DOCK3: variants seen among roughly 807,000 people sequenced by gnomAD.
DOCK3 encodes the protein dedicator of cytokinesis 3, also known as dedicator of cytokinesis protein 3.
DOCK3 carries 60 observed loss-of-function variants against 265.6 expected under a neutral mutation model. The ratio of observed to expected loss-of-function variants is 0.23; its 90% confidence interval spans 0.18 to 0.28. The LOEUF (loss-of-function observed/expected upper bound fraction) is 0.28. Ranked by LOEUF, DOCK3 falls within the 10% of genes least tolerant of loss-of-function variation. The probability of loss-of-function intolerance (pLI) is 1.00; values close to 1 mark genes in which losing one functional copy is unlikely to be tolerated. For synonymous variants in DOCK3, 881 were observed against 938.0 expected (o/e 0.94, Z 1.11); for missense variants, 1,981 against 2,594.3 (o/e 0.76, Z 5.14).
At chr3:51,248,498 A>G (rs1459437233) in intron 22 of DOCK3, among the ~76,000 whole-genome samples, 1 of 152,200 alleles carries the variant, frequency 6.6e-6, no homozygotes, top group Non-Finnish European at 1.5e-5. Context: ...CTCAGTGCTC[A>G]ATGGCGCCCA....
chr3:51,118,901 C>T (rs2083888657), intron 9 of DOCK3, among the ~76,000 whole-genome samples: 1 of 152,052 alleles, frequency 6.6e-6, no homozygotes, highest in Admixed American at 6.5e-5. Context: ...GAATATAGCA[C>T]ACTGATGGGT....
Position 51,190,825 on chromosome 3 carries a change from C to G in DOCK3, c.1038-17949C>G, listed in dbSNP as rs1365968638. Among the ~76,000 whole-genome samples, 8 of 152,134 alleles carry G rather than the reference C, an allele frequency of 5.3e-5. No homozygotes were observed. The South Asian group carries it at 6.2e-4, about 12-fold the overall frequency. ...CAGGTGGGAGCTGGGTCAGGTAGGT[C>G]CACACCCTGGCTCTCCACTTGCAGG... On this transcript the variant is annotated intron_variant, in intron 12 of 52. Coordinates refer to ENST00000266037, the MANE Select transcript of DOCK3 (RefSeq NM_004947.5).
chr3:51,095,694 C>T (rs1054910609), intron 9 of DOCK3, among the ~76,000 whole-genome samples: 23 of 151,450 alleles, frequency 1.5e-4, no homozygotes, highest in Non-Finnish European at 3.1e-4. Context: ...AAGCTTTTCA[C>T]CCCATCTTAC....
At chr3:51,309,631 GA>G (rs2082945374) in intron 27 of DOCK3, among the ~76,000 whole-genome samples, 3 of 1,756 alleles carry the variant, frequency 1.7e-3, no homozygotes, top group Non-Finnish European at 3.0e-3. Context: ...GAGCGAGAGC[GA>G]GAGCGAGAGC....
chr3:51,214,288 G>A (rs2089663944), intron 14 of DOCK3, 41 bp downstream of exon 14: 1 of 1,608,464 alleles, frequency 6.2e-7, no homozygotes, highest in Admixed American at 1.7e-5. Context: ...AGATGGGTTA[G>A]GATGGAATCT....
chr3:50,729,707 G>C (rs1038422564), intron 1 of DOCK3, among the ~76,000 whole-genome samples: 2 of 151,858 alleles, frequency 1.3e-5, no homozygotes, highest in Admixed American at 6.6e-5. Flanking sequence ...TTTTTTAATA[G>C]ATGGGATCTC....
intron 1 of DOCK3, among the ~76,000 whole-genome samples, chr3:50,725,021 A>G (rs1338496716): frequency 6.6e-6 from 1 of 152,058 alleles, no homozygotes; most frequent in Non-Finnish European, 1.5e-5. Flanking sequence ...AATGACTAAG[A>G]ATTTCCAAGT....
At chr3:50,775,199 TA>T (rs541338398) in intron 1 of DOCK3, among the ~76,000 whole-genome samples, 31 of 152,212 alleles carry the variant, frequency 2.0e-4, no homozygotes, top group Non-Finnish European at 2.9e-4. Flanking sequence ...TGATTGGTGT[TA>T]TTTTTTTCAG....
chr3:51,326,354 G>A (rs577825754), intron 32 of DOCK3, among the ~76,000 whole-genome samples: 14 of 149,232 alleles, frequency 9.4e-5, no homozygotes, highest in South Asian at 2.1e-4. Context: ...TCTGCCTCCC[G>A]GGTTCAAGTG....
intron 3 of DOCK3, chr3:50,863,360 G>C: frequency 1.9e-6 from 1 of 513,360 alleles, no homozygotes; most frequent in Non-Finnish European, 3.9e-6. Context: ...TGGCTACCCG[G>C]TTCTTTGTGC....
chr3:51,040,436 A>G (rs2109019673), intron 5 of DOCK3, among the ~76,000 whole-genome samples: 1 of 152,180 alleles, frequency 6.6e-6, no homozygotes, highest in East Asian at 1.9e-4. Flanking sequence ...CTTTATTGCT[A>G]AAAAAATGCT....
chr3:50,942,759 C>G (rs575623335), intron 5 of DOCK3, among the ~76,000 whole-genome samples: 5 of 151,736 alleles, frequency 3.3e-5, no homozygotes, highest in Admixed American at 2.6e-4. Flanking sequence ...TTTTGGAAAG[C>G]TTTTAGGTAT....
At chr3:51,034,149 A>G (rs2080163414) in intron 5 of DOCK3, among the ~76,000 whole-genome samples, 1 of 151,982 alleles carries the variant, frequency 6.6e-6, no homozygotes, top group Non-Finnish European at 1.5e-5. Context: ...CATAATATGC[A>G]TTTTCCGTGA....
chr3:51,286,290 CA>C (rs2081399568), intron 27 of DOCK3, among the ~76,000 whole-genome samples: 3 of 152,186 alleles, frequency 2.0e-5, no homozygotes, highest in Middle Eastern at 6.8e-3. Context: ...AGGAGAATTA[CA>C]AAACTGCTAA....
rs1354497489 is a variant in DOCK3, at chr3:50,782,321, C to T, written c.121+3563C>T. ...TTTTTTTTTTTTTGAGACGGAGTCT[C>T]GCTCTGTCGCCCAGGCTGGAGTGCA... is the stretch of plus-strand genomic sequence containing the variant. On this transcript the variant is annotated intron_variant, in intron 2 of 52. Coordinates refer to ENST00000266037, the MANE Select transcript of DOCK3 (RefSeq NM_004947.5). 3.1e-4 allele frequency among the ~76,000 whole-genome samples: 33 copies of T among 107,858 alleles called. No homozygotes were observed. The East Asian group carries it at 6.0e-3, about 19-fold the overall frequency. 70.8% of individuals were successfully genotyped at this position (107,858 alleles called of 152,430 possible).
At chr3:51,199,210 G>C (rs186737972) in intron 12 of DOCK3, among the ~76,000 whole-genome samples, 1 of 152,208 alleles carries the variant, frequency 6.6e-6, no homozygotes, top group African/African-American at 2.4e-5. Context: ...GCAGCACACC[G>C]TGCGTGAGCC....
intron 5 of DOCK3, among the ~76,000 whole-genome samples, chr3:50,968,553 A>ATTTT (rs749920591): frequency 1.4e-5 from 2 of 139,382 alleles, no homozygotes; most frequent in Admixed American, 7.2e-5. Flanking sequence ...TATGATTTCA[A>ATTTT]TTTTTTTTTT....
intron 6 of DOCK3, among the ~76,000 whole-genome samples, chr3:51,067,673 G>A (rs1440317928): frequency 1.4e-5 from 2 of 145,554 alleles, no homozygotes; most frequent in Admixed American, 1.4e-4. Context: ...CTTTCCTTCA[G>A]TGGAAAATAT....
At chr3:50,687,915 A>G (rs907501406) in intron 1 of DOCK3, among the ~76,000 whole-genome samples, 1 of 152,240 alleles carries the variant, frequency 6.6e-6, no homozygotes, top group African/African-American at 2.4e-5. Flanking sequence ...AATATATCGC[A>G]CAAAAGCAAG....
Sources: gnomAD v4.1 joint callset for allele counts (sites outside exome capture counted in the v4.1 genomes callset) on GRCh38, gnomAD v4.1.1 for gene constraint, MANE v1.5 for transcripts, NCBI Gene and HGNC (gene_info 2026-07-23, HGNC 2026-07-21) for gene names.